Variants in ZNF236 observed in about 807,000 individuals in gnomAD.
ZNF236 encodes the protein regulated by glucose.
A neutral mutation model predicts 191.2 loss-of-function variants in ZNF236; 50 were observed. That is an observed-to-expected ratio of 0.26 (90% CI 0.21 to 0.33). The LOEUF is 0.33. ZNF236 is among the 10% of genes least tolerant of loss of function. ZNF236 has a pLI of 1.00. For missense variants in ZNF236, 1,754 were observed against 2,374.5 expected (o/e 0.74, Z 5.43); for synonymous variants, 907 against 928.8 (o/e 0.98, Z 0.43).
intron 3 of ZNF236, among the ~76,000 whole-genome samples, chr18:76,852,220 C>T (rs1975898285): frequency 6.6e-6 from 1 of 152,160 alleles, no homozygotes; most frequent in Non-Finnish European, 1.5e-5. Flanking sequence ...GGCGCCTCAC[C>T]CTCCTCTTTG....
chr18:76,850,502 A>G (rs145877571), intron 2 of ZNF236, among the ~76,000 whole-genome samples: 127 of 152,364 alleles, frequency 8.3e-4, no homozygotes, highest in African/African-American at 3.0e-3. Flanking sequence ...TTATCTTTTT[A>G]CAAGTGAATA....
chr18:76,864,241 C>T (rs942173617), intron 3 of ZNF236, among the ~76,000 whole-genome samples: 3 of 149,658 alleles, frequency 2.0e-5, no homozygotes, highest in South Asian at 2.1e-4. Context: ...ACTTTGTTGC[C>T]GAGGCTGGAG....
chr18:76,869,942 C>T (rs975243327), intron 4 of ZNF236, among the ~76,000 whole-genome samples: 16 of 152,070 alleles, frequency 1.1e-4, no homozygotes, highest in African/African-American at 2.9e-4. Flanking sequence ...GGCGACACAG[C>T]GAGACTCTGT....
Position 76,960,596 on chromosome 18 carries a change from C to G in ZNF236, c.5243-83C>G. The G allele has an allele frequency of 6.6e-7, 1 of 1,506,344 alleles. No homozygotes were observed. The highest frequency in any genetic ancestry group is 1.1e-5 in the South Asian group (1 of 87,476). The allele number at this position is 1,506,344 out of a possible 1,614,324, so 93.3% of individuals were successfully genotyped here. ...TAAAAGAAAAGAGGAACATTCAGTC[C>G]CTCTTGTTCATACCTCAGGGTAGAG... is the stretch of plus-strand genomic sequence containing the variant. On this transcript the variant is annotated intron_variant, in intron 29 of 30. Transcript: ENST00000320610. The surrounding 1 kb of genome is among the most constrained non-coding windows in gnomAD (Gnocchi z 4.4).
At chr18:76,827,945 T>C (rs1426874801) in intron 1 of ZNF236, among the ~76,000 whole-genome samples, 1 of 152,222 alleles carries the variant, frequency 6.6e-6, no homozygotes, top group Non-Finnish European at 1.5e-5. Flanking sequence ...CTTTTTAGCT[T>C]GCCCCTTTAG....
At chr18:76,840,566 G>T (rs575900491) in intron 1 of ZNF236, among the ~76,000 whole-genome samples, 22 of 149,348 alleles carry the variant, frequency 1.5e-4, no homozygotes, top group Middle Eastern at 3.3e-3. Context: ...CGAATACAAC[G>T]AATACATACA....
intron 6 of ZNF236, among the ~76,000 whole-genome samples, chr18:76,877,734 T>C (rs1976755797): frequency 6.6e-6 from 1 of 152,224 alleles, no homozygotes. Context: ...TTTGTTAAAT[T>C]ACAATAATTG....
rs1260545808 is a variant in ZNF236 at position 76,970,621 on chromosome 18, C to T, written c.*2282C>T. 2.0e-5 allele frequency: 3 copies of T among 152,460 alleles called. No homozygotes were observed. The highest frequency in any genetic ancestry group is 4.8e-5 in the African/African-American group (2 of 41,404). 9.4% of individuals were successfully genotyped at this position (152,460 alleles called of 1,614,324 possible). ...AATTCTAGAAAAGAGATTTCTAGGC[C>T]TCATGTATAACCAGGGTTTTGAGGA... On this transcript the variant is annotated 3_prime_UTR_variant, in exon 31 of 31. Transcript: ENST00000320610.
At chr18:76,946,668 T>C (rs569710182) in intron 26 of ZNF236, among the ~76,000 whole-genome samples, 3 of 152,344 alleles carry the variant, frequency 2.0e-5, no homozygotes, top group East Asian at 1.9e-4. Flanking sequence ...TTCAGACCTT[T>C]TAAGCTGCAG....
intron 1 of ZNF236, among the ~76,000 whole-genome samples, chr18:76,828,496 A>G (rs947083897): frequency 5.9e-5 from 9 of 152,288 alleles, no homozygotes; most frequent in African/African-American, 2.2e-4. Flanking sequence ...GGCAGGAGGC[A>G]GCCAGAGCTG....
chr18:76,925,383 C>A lies in ZNF236; in HGVS notation c.3856C>A (p.Pro1286Thr). The change falls in exon 22 of 31, where the codon CCT (proline) becomes ACT (threonine). Residue 1286 changes from proline (P) to threonine (T), a missense_variant. Physicochemically the swap from Pro to Thr is conservative, Grantham distance 38. Transcript: ENST00000320610. This position sits in a 1 kb window ranked among gnomAD's most constrained non-coding sequence, Gnocchi z 5.7. ...YKPDPKKARK[P>T]MTRSSSEGLQ... ...ACCAGACCCAAAGAAGGCCAGAAAG[C>A]CTATGACTCGAAGCTCATCGGAAGG... The A allele has an allele frequency of 6.2e-7, 1 of 1,614,156 alleles. No homozygotes were observed. The highest frequency in any genetic ancestry group is 8.5e-7 in the Non-Finnish European group (1 of 1,180,032).
chr18:76,841,619 ATTG>A (rs1201912490), intron 1 of ZNF236, among the ~76,000 whole-genome samples: 4 of 151,092 alleles, frequency 2.6e-5, no homozygotes, highest in Admixed American at 2.6e-4. Context: ...ATTAGTATAC[ATTG>A]TTGTTGATAA....
intron 9 of ZNF236, among the ~76,000 whole-genome samples, chr18:76,889,531 A>G (rs1977165485): frequency 6.6e-6 from 1 of 152,136 alleles, no homozygotes; most frequent in Non-Finnish European, 1.5e-5. Flanking sequence ...GATCACGTGG[A>G]CCTCACTGGC....
intron 25 of ZNF236, chr18:76,936,406 C>T (rs1382513152): frequency 2.2e-6 from 1 of 456,726 alleles, no homozygotes; most frequent in South Asian, 1.5e-5. Flanking sequence ...CCCGTCTCAT[C>T]TGCCAGCAAG....
chr18:76,909,694 C>T (rs1368334069), intron 14 of ZNF236, among the ~76,000 whole-genome samples: 1 of 152,198 alleles, frequency 6.6e-6, no homozygotes, highest in African/African-American at 2.4e-5. Flanking sequence ...GACCAGTTTA[C>T]TGTTTTGTTT....
At chr18:76,878,864 C>G (rs1976790655) in intron 7 of ZNF236, among the ~76,000 whole-genome samples, 2 of 152,152 alleles carry the variant, frequency 1.3e-5, no homozygotes, top group Admixed American at 1.3e-4. Flanking sequence ...CTGCCTCCTA[C>G]CAGTATGGAA....
chr18:76,950,140 C>T (rs919074468), intron 27 of ZNF236, among the ~76,000 whole-genome samples: 3 of 152,082 alleles, frequency 2.0e-5, no homozygotes, highest in South Asian at 2.1e-4. Flanking sequence ...GTGGCCGTGA[C>T]GATTTCTTAA....
Position 76,913,777 on chromosome 18 carries a change from G to A in ZNF236, c.2940G>A (p.Lys980=), listed in dbSNP as rs1457970333. The change falls in exon 18 of 31, where the codon AAG becomes AAA. Residue 980 remains lysine, a synonymous_variant. Coordinates refer to ENST00000320610, the MANE Select transcript of ZNF236 (RefSeq NM_001306089.2). ...ACTATTGCAACAAAGGCTTTAAGAA[G>A]TCCAGCCACCTGAAGCAGCATGTGC... ...RCDYCNKGFK[K]SSHLKQHVRS... 1.2e-5 allele frequency: 19 copies of A among 1,614,178 alleles called. No homozygotes were observed. The highest frequency in any genetic ancestry group is 1.5e-5 in the Non-Finnish European group (18 of 1,180,038).
At chr18:76,929,491 G>C (rs530752199) in intron 25 of ZNF236, among the ~76,000 whole-genome samples, 3 of 152,130 alleles carry the variant, frequency 2.0e-5, no homozygotes, top group African/African-American at 7.2e-5. Flanking sequence ...ATAGTGCATG[G>C]TTCTTGCTCA....
Sources: allele counts gnomAD v4.1 joint callset (sites outside exome capture counted in the v4.1 genomes callset), GRCh38; gene constraint gnomAD v4.1.1; non-coding constraint Gnocchi (gnomAD v3.1); transcripts MANE v1.5; gene names NCBI Gene and HGNC (gene_info 2026-07-23, HGNC 2026-07-21).